The following VSIG1 variants were observed in gnomAD, a reference collection of about 807,000 sequenced individuals.
VSIG1 encodes V-set and immunoglobulin domain containing 1.
VSIG1 carries 11 observed loss-of-function variants against 20.1 expected under a neutral mutation model. That is an observed-to-expected ratio of 0.55 (90% CI 0.34 to 0.91). The LOEUF is 0.91. VSIG1 is among the 40% of genes least tolerant of loss of function. The pLI is 0.02. For synonymous variants in VSIG1, 126 were observed against 116.7 expected, an observed-to-expected ratio of 1.08 and a Z score of -0.52; for missense variants, 283 against 298.8, an observed-to-expected ratio of 0.95 and a Z score of 0.39.
At chrX:108,035,619 G>C in the VSIG1 span, among the ~76,000 whole-genome samples, 1 of 110,970 alleles carries the variant, frequency 9.0e-6, no homozygotes, top group East Asian at 2.8e-4. Context: ...GAGTATTTGA[G>C]GGCTCACAGA....
intron 1 of VSIG1, among the ~76,000 whole-genome samples, chrX:108,047,877 T>TATATATAC (rs1569287178): frequency 6.3e-5 from 2 of 31,605 alleles, no homozygotes. Flanking sequence ...TATACACATA[T>TATATATAC]ATATATATAC....
At chrX:108,026,502 G>A in the VSIG1 span, among the ~76,000 whole-genome samples, 1 of 111,211 alleles carries the variant, frequency 9.0e-6, no homozygotes, top group East Asian at 2.8e-4. Flanking sequence ...GAAGCTGTTA[G>A]GAAGCTGTGT....
intron 2 of VSIG1, among the ~76,000 whole-genome samples, chrX:108,062,318 T>C (rs1449021139): frequency 1.8e-5 from 2 of 111,685 alleles, no homozygotes; most frequent in Non-Finnish European, 3.8e-5. Flanking sequence ...AGTGTTCTTA[T>C]GTTCTCTGGC....
chrX:108,046,106 T>C (rs1409988348), intron 1 of VSIG1, among the ~76,000 whole-genome samples: 1 of 111,869 alleles, frequency 8.9e-6, no homozygotes, highest in Admixed American at 9.5e-5. Flanking sequence ...TTATAGATGA[T>C]TTTAATTTTA....
chrX:108,060,927 A>T (rs1432589976), intron 2 of VSIG1, among the ~76,000 whole-genome samples: 1 of 112,104 alleles, frequency 8.9e-6, no homozygotes, highest in Non-Finnish European at 1.9e-5. Flanking sequence ...AGAGGGACTG[A>T]CTCATGGGCA....
chrX:108,020,964 T>C, the VSIG1 span, among the ~76,000 whole-genome samples: 1 of 112,091 alleles, frequency 8.9e-6, no homozygotes, highest in Admixed American at 9.5e-5. Context: ...GGGCTGAGGA[T>C]GGCAGTCCCA....
intron 2 of VSIG1, among the ~76,000 whole-genome samples, chrX:108,065,090 GAAAC>G (rs1423865499): frequency 8.9e-6 from 1 of 111,970 alleles, no homozygotes; most frequent in Admixed American, 9.5e-5. Context: ...AAACGGGAGA[GAAAC>G]AAATAGTTTT....
the VSIG1 span, among the ~76,000 whole-genome samples, chrX:108,038,780 A>G: frequency 8.0e-5 from 9 of 112,056 alleles, no homozygotes; most frequent in Middle Eastern, 4.2e-3. Context: ...ATGCTAAGAG[A>G]TGAGGTTAGA....
chrX:108,047,764 T>TTCTCTC (rs1178957774), intron 1 of VSIG1, among the ~76,000 whole-genome samples: 35 of 61,241 alleles, frequency 5.7e-4, no homozygotes, highest in African/African-American at 8.6e-4. Flanking sequence ...ATACAAGACA[T>TTCTCTC]TCTCTCTCTC....
intron 1 of VSIG1, among the ~76,000 whole-genome samples, chrX:108,046,529 G>A (rs1017487554): frequency 5.4e-5 from 6 of 110,517 alleles, no homozygotes; most frequent in African/African-American, 6.6e-5. Context: ...ACTAGGCACA[G>A]GGTTTGGAAC....
At chrX:108,068,861 A>C (rs2031184972) in intron 3 of VSIG1, among the ~76,000 whole-genome samples, 1 of 112,220 alleles carries the variant, frequency 8.9e-6, no homozygotes, top group African/African-American at 3.2e-5. Context: ...CTCTGTACTC[A>C]GTGACCTTAT....
chrX:108,060,719 G>A (rs1302954363), intron 2 of VSIG1, among the ~76,000 whole-genome samples: 1 of 111,911 alleles, frequency 8.9e-6, no homozygotes, highest in Non-Finnish European at 1.9e-5. Flanking sequence ...CAGTTGTTCC[G>A]TTTCCAATCT....
intron 1 of VSIG1, among the ~76,000 whole-genome samples, chrX:108,047,857 CACATATATATATACACAT>C (rs2030638655): frequency 3.3e-5 from 2 of 60,746 alleles, no homozygotes; most frequent in Admixed American, 2.0e-4. Flanking sequence ...TATATATATA[CACATATATATATACACAT>C]ATATATATAT....
At chrX:108,075,754 G>A (rs768559550) in intron 5 of VSIG1, among the ~76,000 whole-genome samples, 56 of 111,711 alleles carry the variant, frequency 5.0e-4, no homozygotes, top group African/African-American at 1.5e-3. Flanking sequence ...CTAGTGAAAT[G>A]TTCCTGCCTG....
At chrX:108,045,223 A>T in intron 1 of VSIG1, 44 bp downstream of exon 1, 1 of 1,073,318 alleles carries the variant, frequency 9.3e-7, no homozygotes, top group Non-Finnish European at 1.3e-6. Flanking sequence ...TTGGAAACAG[A>T]GTTTCCTTTT....
Position 108,046,823 on chromosome X carries a change from A to G in VSIG1, c.49+1644A>G, listed in dbSNP as rs547463487. 8.1e-5 allele frequency among the ~76,000 whole-genome samples: 9 copies of G among 110,722 alleles called. No individual in the cohort carries two copies. The South Asian group carries it at 3.4e-3, about 42-fold the overall frequency. ...CATGTCAGGATTTTATTTTATTGTG[A>G]CTTTTAGAACAAGACCAATAAATAC... On this transcript the variant is annotated intron_variant, in intron 1 of 6. Transcript: ENST00000217957.
upstream of VSIG1, among the ~76,000 whole-genome samples, chrX:108,041,140 T>C (rs2030472907): frequency 9.3e-6 from 1 of 108,035 alleles, no homozygotes; most frequent in Admixed American, 1.0e-4. Context: ...GCATATTTGT[T>C]ACATTACAAT....
intron 6 of VSIG1, 61 bp from the exon 7 acceptor site, chrX:108,076,987 C>G: frequency 9.4e-7 from 1 of 1,064,896 alleles, no homozygotes; most frequent in Admixed American, 2.8e-5. Flanking sequence ...TATGGTTTCA[C>G]ATGAAATTTC....
chrX:108,037,760 T>C, the VSIG1 span, among the ~76,000 whole-genome samples: 16 of 112,859 alleles, frequency 1.4e-4, no homozygotes, highest in Non-Finnish European at 2.6e-4. Context: ...TAAAGCACAG[T>C]TCTATGCCCT....
Sources: allele counts gnomAD v4.1 joint callset (sites outside exome capture counted in the v4.1 genomes callset), GRCh38; gene constraint gnomAD v4.1.1; transcripts MANE v1.5; gene names NCBI Gene and HGNC (gene_info 2026-07-23, HGNC 2026-07-21).